Variants in LIPM observed in about 807,000 individuals in gnomAD.
The protein encoded by LIPM is lipase family member M.
A neutral mutation model predicts 42.4 loss-of-function variants in LIPM; 42 were observed. The observed-to-expected ratio is 0.99, with a 90% CI of 0.77 to 1.28. The LOEUF is 1.28. Among genes scored for constraint, LIPM ranks in the 50% most tolerant of loss-of-function variants. The probability of loss-of-function intolerance (pLI) is 0.00; values close to 1 mark genes in which losing one functional copy is unlikely to be tolerated. For missense variants in LIPM, 524 were observed against 520.1 expected, an observed-to-expected ratio of 1.01 and a Z score of -0.07; for synonymous variants, 177 against 173.3, an observed-to-expected ratio of 1.02 and a Z score of -0.17.
At chr10:88,806,978 T>G (rs892584220) in intron 1 of LIPM, among the ~76,000 whole-genome samples, 22 of 151,796 alleles carry the variant, frequency 1.4e-4, no homozygotes, top group African/African-American at 5.1e-4. Context: ...TGTGAGCCAC[T>G]GTGCCCGGCC....
chr10:88,813,332 T>C (rs891084808), intron 3 of LIPM, 37 bp downstream of exon 3: 1 of 1,445,870 alleles, frequency 6.9e-7, no homozygotes, highest in Non-Finnish European at 9.2e-7. Flanking sequence ...TAGACATGTC[T>C]GTCTTTCAAA....
chr10:88,813,230 G>A lies in LIPM; in HGVS notation c.399G>A (p.Arg133=). ...AGFDVWMGNS[R]GNAWSRKHKT... is the part of the protein sequence containing the mutation. Reference sequence around the variant, plus strand: ...TTGACGTGTGGATGGGGAACAGCAGGGGAAACGCCTGGTCTCGAAAACACA... The same window carrying A: ...TTGACGTGTGGATGGGGAACAGCAGAGGAAACGCCTGGTCTCGAAAACACA... The change falls in exon 3 of 9, where the codon AGG becomes AGA. Residue 133 remains arginine (R), a synonymous_variant. Transcript: ENST00000404743. 1.2e-6 allele frequency: 2 copies of A among 1,613,514 alleles called. No homozygotes were observed. The highest frequency in any genetic ancestry group is 1.7e-6 in the Non-Finnish European group (2 of 1,179,714).
chr10:88,803,612 C>G (rs1843552989), intron 1 of LIPM, among the ~76,000 whole-genome samples: 1 of 141,090 alleles, frequency 7.1e-6, no homozygotes, highest in African/African-American at 2.6e-5. Context: ...TTTAGTTTTC[C>G]CAGGAGGTTT....
intron 3 of LIPM, 55 bp downstream of exon 3, chr10:88,813,350 G>A: frequency 7.3e-7 from 1 of 1,367,436 alleles, no homozygotes; most frequent in Non-Finnish European, 9.7e-7. Context: ...AAAAAAAATG[G>A]GTAAAAAATT....
Position 88,815,510 on chromosome 10 carries a change from G to A in LIPM, c.858+7G>A, listed in dbSNP as rs1222631772. The A allele has an allele frequency of 6.5e-7, 1 of 1,549,912 alleles. No individual in the cohort carries two copies. Among genetic ancestry groups the A allele is most frequent in the African/African-American group, 1.4e-5 (1 of 73,000 alleles). On this transcript the variant is annotated splice_region_variant and intron_variant, in intron 6 of 8. Transcript: ENST00000404743. ...CACCAACAATATGAACATGGTAAGT[G>A]GGAGCCTAGTAAATTCCCAGCATCC... is the stretch of plus-strand genomic sequence containing the variant.
chr10:88,806,976 A>T (rs1404143301), intron 1 of LIPM, among the ~76,000 whole-genome samples: 1 of 151,952 alleles, frequency 6.6e-6, no homozygotes, highest in African/African-American at 2.4e-5. Flanking sequence ...GGTGTGAGCC[A>T]CTGTGCCCGG....
intron 3 of LIPM, 29 bp downstream of exon 3, chr10:88,813,324 G>T (rs1210933600): frequency 6.8e-7 from 1 of 1,478,576 alleles, no homozygotes; most frequent in South Asian, 1.4e-5. Context: ...AACAGAGGTA[G>T]ACATGTCTGT....
At chr10:88,811,411 G>A (rs1843655120) in intron 2 of LIPM, among the ~76,000 whole-genome samples, 1 of 152,112 alleles carries the variant, frequency 6.6e-6, no homozygotes, top group Non-Finnish European at 1.5e-5. Context: ...ACTGAGGTGT[G>A]GATATTGCAT....
chr10:88,806,710 G>T (rs902575549), intron 1 of LIPM, among the ~76,000 whole-genome samples: 1 of 152,008 alleles, frequency 6.6e-6, no homozygotes, highest in Non-Finnish European at 1.5e-5. Context: ...CTTTGAGATG[G>T]AGTCTCCCTC....
intron 1 of LIPM, chr10:88,805,877 A>T (rs1843580128): frequency 2.3e-6 from 1 of 438,468 alleles, no homozygotes; most frequent in South Asian, 1.6e-5. Context: ...AAGGAAAGAG[A>T]TAAATCAAAC....
chr10:88,815,598 C>CA, intron 6 of LIPM, 95 bp downstream of exon 6: 4 of 1,080,768 alleles, frequency 3.7e-6, no homozygotes, highest in Non-Finnish European at 5.3e-6. Context: ...AGTGAAGACT[C>CA]AGAGTAATGA....
Position 88,802,735 on chromosome 10 carries a change from T to C in LIPM, c.-162T>C, listed in dbSNP as rs1011405726. ...TCCTAGGCAATGTTTCCAGCCTACT[T>C]TGTGTTCTTTCCCTACCAACTAAGC... On this transcript the variant is annotated 5_prime_UTR_variant, in exon 1 of 9. Transcript: ENST00000404743. The C allele has an allele frequency of 3.8e-5, 25 of 652,548 alleles. No individual in the cohort carries two copies. The highest frequency in any genetic ancestry group is 6.2e-5 in the Non-Finnish European group (24 of 386,340). 40.4% of individuals were successfully genotyped at this position (652,548 alleles called of 1,614,324 possible).
At chr10:88,815,997 A>G (rs1358074317) in intron 6 of LIPM, among the ~76,000 whole-genome samples, 1 of 152,188 alleles carries the variant, frequency 6.6e-6, no homozygotes, top group Non-Finnish European at 1.5e-5. Flanking sequence ...TCTAGGGATA[A>G]TACCTAGAGA....
intron 6 of LIPM, among the ~76,000 whole-genome samples, chr10:88,816,254 G>C (rs1241428733): frequency 1.3e-5 from 2 of 152,168 alleles, no homozygotes; most frequent in Non-Finnish European, 2.9e-5. Flanking sequence ...AGCAGACTGA[G>C]AGTGGAGGGC....
intron 2 of LIPM, among the ~76,000 whole-genome samples, chr10:88,812,379 T>G (rs1049831544): frequency 6.6e-6 from 1 of 152,198 alleles, no homozygotes; most frequent in African/African-American, 2.4e-5. Context: ...ATATGTAGTA[T>G]TCTGTCTTTA....
At chr10:88,813,054 G>T in intron 2 of LIPM, 43 bp from the exon 3 acceptor site, 4 of 1,473,256 alleles carry the variant, frequency 2.7e-6, no homozygotes, top group Non-Finnish European at 3.7e-6. Flanking sequence ...CAACAAGAAA[G>T]GGAGAGAACA....
chr10:88,808,551 G>A, intron 2 of LIPM, 136 bp downstream of exon 2: 2 of 554,840 alleles, frequency 3.6e-6, no homozygotes, highest in Non-Finnish European at 6.6e-6. Flanking sequence ...GATGGTGTCA[G>A]TTCCCCCATA....
In LIPM at chr10:88,816,842, C is replaced by T; in HGVS notation, c.885C>T (p.His295=). Residue 295 remains histidine, a synonymous_variant, in exon 7 of 9, where the codon CAC becomes CAT. Coordinates refer to ENST00000404743, the MANE Select transcript of LIPM (RefSeq NM_001128215.1). ...NMSRASVYAA[H]TLAGTSVQNI... ...GCCGAGCAAGTGTATATGCTGCCCA[C>T]ACTCTTGCTGGAACATCTGTGCAAA... 1 of 1,551,440 alleles carries T rather than the reference C, an allele frequency of 6.4e-7. No homozygotes were observed. Among genetic ancestry groups the T allele is most frequent in the Non-Finnish European group, 8.7e-7 (1 of 1,146,772 alleles).
At chr10:88,819,067 A>G (rs1318415969) in intron 8 of LIPM, among the ~76,000 whole-genome samples, 1 of 148,996 alleles carries the variant, frequency 6.7e-6, no homozygotes, top group Non-Finnish European at 1.5e-5. Flanking sequence ...TTTTTTTTGT[A>G]CTTTTAGGGA....
Sources: gnomAD v4.1 joint callset for allele counts (sites outside exome capture counted in the v4.1 genomes callset) on GRCh38, gnomAD v4.1.1 for gene constraint, MANE v1.5 for transcripts, NCBI Gene and HGNC (gene_info 2026-07-23, HGNC 2026-07-21) for gene names.